NRAP: variants seen among roughly 807,000 people sequenced by gnomAD.
NRAP encodes nebulin related anchoring protein, also known as nebulin-related-anchoring protein.
Under a neutral mutation model 225.9 loss-of-function variants are expected in NRAP, and 189 were observed. The observed-to-expected ratio is 0.84, with a 90% CI of 0.74 to 0.94. The LOEUF (loss-of-function observed/expected upper bound fraction) is 0.94. Ranked by LOEUF, NRAP falls within the 40% of genes least tolerant of loss-of-function variation. The pLI is 0.00. For synonymous variants in NRAP, 769 were observed against 790.7 expected (o/e 0.97, Z 0.46); for missense variants, 2,176 against 2,168.7 (o/e 1.00, Z -0.07).
chr10:113,616,894 C>A (rs1372742483), intron 26 of NRAP, among the ~76,000 whole-genome samples: 1 of 152,038 alleles, frequency 6.6e-6, no homozygotes, highest in Non-Finnish European at 1.5e-5. Context: ...CTCCAGCCGA[C>A]CCTGCAACCC....
chr10:113,658,436 A>C (rs1308546115), intron 3 of NRAP, among the ~76,000 whole-genome samples: 1 of 152,226 alleles, frequency 6.6e-6, no homozygotes, highest in Non-Finnish European at 1.5e-5. Context: ...AATTGGGGGA[A>C]AACTGACCTC....
At chr10:113,623,501 C>A (rs757555834) in intron 23 of NRAP, 28 bp downstream of exon 23, 1 of 1,487,274 alleles carries the variant, frequency 6.7e-7, no homozygotes. Flanking sequence ...ATTCTGCGGT[C>A]TCTTGTACAA....
Position 113,652,991 on chromosome 10 carries a change from C to A in NRAP, c.514G>T (p.Ala172Ser). ...CTTTGATAAGCAGGTGTGATCATGG[C>A]TGGAAAGCTCCCCTTGCCCCTGGGT... ...EQPRGKGSFP[A>S]MITPAYQRAK... The change falls in exon 6 of 42, where the codon GCC (alanine) becomes TCC (serine). Residue 172 changes from alanine (A) to serine (S), a missense_variant. Ala to Ser is a moderately conservative substitution (Grantham distance 99). Around this residue, in one of 3 missense-constraint regions of NRAP, gnomAD observed 1,708 missense variants for 1,695.5 expected, o/e 1.01. Coordinates refer to ENST00000359988, the MANE Select transcript of NRAP (RefSeq NM_198060.4). 11 of 1,613,158 alleles carry A rather than the reference C, an allele frequency of 6.8e-6. No homozygotes were observed. The highest frequency in any genetic ancestry group is 8.5e-6 in the Non-Finnish European group (10 of 1,179,726).
chr10:113,592,875 C>T (rs1846073158), intron 38 of NRAP, among the ~76,000 whole-genome samples: 1 of 152,192 alleles, frequency 6.6e-6, no homozygotes, highest in Non-Finnish European at 1.5e-5. Flanking sequence ...AATTTATTGT[C>T]AAGCACCTGA....
chr10:113,589,297 T>A (rs1476171939), intron 41 of NRAP: 7 of 583,866 alleles, frequency 1.2e-5, no homozygotes, highest in Non-Finnish European at 2.1e-5. Context: ...TTCTTTCTTC[T>A]GAACAAAGTA....
intron 35 of NRAP, among the ~76,000 whole-genome samples, chr10:113,603,154 G>T (rs1044115937): frequency 2.0e-5 from 3 of 152,190 alleles, no homozygotes; most frequent in Non-Finnish European, 4.4e-5. Flanking sequence ...ACACTGCAAC[G>T]CAGTCCCATT....
intron 3 of NRAP, among the ~76,000 whole-genome samples, chr10:113,661,045 A>G (rs1850641662): frequency 1.3e-5 from 2 of 152,194 alleles, no homozygotes. Context: ...GCTAGATTCA[A>G]TATTTATTGT....
intron 4 of NRAP, among the ~76,000 whole-genome samples, chr10:113,657,082 G>T (rs1850352506): frequency 6.6e-6 from 1 of 152,182 alleles, no homozygotes; most frequent in Non-Finnish European, 1.5e-5. Flanking sequence ...AGGCTGGAGA[G>T]AGGCCAGCCT....
rs749486311 is a variant in NRAP at position 113,648,467 on chromosome 10, C to CTCTCTCTCTCTCTCTATATATA, written c.889-1441_889-1440insTATATATAGAGAGAGAGAGAGA. On this transcript the variant is annotated intron_variant, in intron 9 of 41. Transcript: ENST00000359988. ...TCTCTCTCTCTCTCTCTCTCTCTCTCTATATATATATATATATATATATGT... is the reference window on the plus strand; with the variant it reads ...TCTCTCTCTCTCTCTCTCTCTCTCTCTCTCTCTCTCTCTCTATATATATATATATATATATATATATATATGT... Among the ~76,000 whole-genome samples the CTCTCTCTCTCTCTCTATATATA allele has an allele frequency of 4.6e-5, 4 of 87,360 alleles. 1 individual carries two copies. The highest frequency in any genetic ancestry group is 1.8e-4 in the African/African-American group (4 of 22,302). 57.3% of individuals were successfully genotyped at this position (87,360 alleles called of 152,430 possible).
At chr10:113,614,103 A>G in intron 29 of NRAP, 80 bp downstream of exon 29, 1 of 892,282 alleles carries the variant, frequency 1.1e-6, no homozygotes. Context: ...GTCCAGAAGG[A>G]CAAATGAGGT....
intron 38 of NRAP, among the ~76,000 whole-genome samples, chr10:113,593,578 C>T (rs1846115307): frequency 6.6e-6 from 1 of 152,206 alleles, no homozygotes; most frequent in East Asian, 1.9e-4. Flanking sequence ...AATCACCTAA[C>T]TGATGAATCA....
At position 113,589,075 on chromosome 10, in the gene NRAP, C is replaced by A. The variant is rs1249810771; in HGVS notation, c.5093G>T (p.Gly1698Val). Residue 1698 changes from glycine to valine, a missense_variant, in exon 42 of 42, where the codon GGG becomes GTG. Around this residue, in one of 3 missense-constraint regions of NRAP, gnomAD observed 445 missense variants for 426.1 expected, o/e 1.04. Transcript: ENST00000359988. Reference protein sequence around the residue: ...RGLGLQGAYRGAEAVEAGDHQ... With the variant: ...RGLGLQGAYRVAEAVEAGDHQ... The stretch of plus-strand genomic sequence containing the variant: ...ATCTCCAGCCTCCACTGCTTCTGCC[C>A]CCCGCTGCTGAAATCAAACATACCC... 1.9e-6 allele frequency: 3 copies of A among 1,613,594 alleles called. No homozygotes were observed. The highest frequency in any genetic ancestry group is 8.5e-7 in the Non-Finnish European group (1 of 1,179,752).
chr10:113,663,593 C>G (rs1850832448), intron 1 of NRAP, 147 bp from the exon 2 acceptor site: 1 of 644,424 alleles, frequency 1.6e-6, no homozygotes, highest in Admixed American at 2.9e-5. Context: ...TATAACAACA[C>G]TCACGGTTAA....
chr10:113,617,814 G>T (rs1847758296), intron 25 of NRAP, among the ~76,000 whole-genome samples: 1 of 152,180 alleles, frequency 6.6e-6, no homozygotes, highest in Admixed American at 6.5e-5. Flanking sequence ...GTAAAATACT[G>T]TAGGATACAC....
chr10:113,631,850 A>G lies in NRAP; in HGVS notation c.1740+7T>C. ...ATGCATTCCTGAGTTAATGAGAGGA[A>G]ACGTACATTGCTAGCAAGCTCCCCA... On this transcript the variant is annotated splice_region_variant and intron_variant, in intron 17 of 41. Transcript: ENST00000359988. The G allele has an allele frequency of 6.4e-7, 1 of 1,569,332 alleles. No homozygotes were observed. The highest frequency in any genetic ancestry group is 8.8e-7 in the Non-Finnish European group (1 of 1,139,316).
rs759155879 is a variant in NRAP at position 113,604,908 on chromosome 10, G to C, written c.3928C>G (p.His1310Asp). The change falls in exon 35 of 42, where the codon CAT becomes GAT. Residue 1310 changes from histidine to aspartate, a missense_variant. By Grantham distance (81) the His-to-Asp change is moderately conservative. This residue lies in a region of NRAP where 1,708 missense variants were observed against 1,695.5 expected (regional missense o/e 1.01). Transcript: ENST00000359988. Reference protein sequence around the residue: ...GDIASDFLYRHDFVKERGKLI... With the variant: ...GDIASDFLYRDDFVKERGKLI... ...TTCCCTCGCTCCTTCACAAAGTCATGTCTGTAGAGAAACTGCAAGAAAGGG... is the reference window on the plus strand; with the variant it reads ...TTCCCTCGCTCCTTCACAAAGTCATCTCTGTAGAGAAACTGCAAGAAAGGG... 1 of 1,611,678 alleles carries C rather than the reference G, an allele frequency of 6.2e-7. No homozygotes were observed. The highest frequency in any genetic ancestry group is 8.5e-7 in the Non-Finnish European group (1 of 1,178,080).
Position 113,604,598 on chromosome 10 carries a change from G to T in NRAP, c.4227+11C>A, listed in dbSNP as rs1564704689. On this transcript the variant is annotated intron_variant, in intron 35 of 41. Coordinates refer to ENST00000359988, the MANE Select transcript of NRAP (RefSeq NM_198060.4). ...TGGGGGCTGGTTTGCATTCCACAAG[G>T]CCACCCCTACCTCACTCTGCAGGGC... The T allele has an allele frequency of 2.6e-5, 41 of 1,606,540 alleles. No individual in the cohort carries two copies. Among genetic ancestry groups the T allele is most frequent in the Non-Finnish European group, 3.5e-5 (41 of 1,174,154 alleles).
chr10:113,589,277 T>C (rs1845787854), intron 41 of NRAP, 198 bp from the exon 42 acceptor site: 4 of 590,532 alleles, frequency 6.8e-6, no homozygotes, highest in Non-Finnish European at 1.2e-5. Context: ...ATCTCTCATT[T>C]AGACCTGGCT....
At position 113,620,610 on chromosome 10, in the gene NRAP, A is replaced by G; in HGVS notation, c.2868T>C (p.Ile956=). 1 of 1,605,344 alleles carries G rather than the reference A, an allele frequency of 6.2e-7. No homozygotes were observed. Among genetic ancestry groups the G allele is most frequent in the Non-Finnish European group, 8.5e-7 (1 of 1,172,148 alleles). The change falls in exon 25 of 42, where the codon ATT becomes ATC. Residue 956 remains isoleucine, a synonymous_variant. Coordinates refer to ENST00000359988, the MANE Select transcript of NRAP (RefSeq NM_198060.4). ...VEQAKKAGEL[I]SEKKYRQHPD... ...GGCTGTCAGGAAATCTCACCTCGCT[A>G]ATGAGTTCTCCTGCCTTCTTCGCCT...
Sources: gnomAD v4.1 joint callset for allele counts (sites outside exome capture counted in the v4.1 genomes callset) on GRCh38, gnomAD v4.1.1 for gene constraint, gnomAD v4.1.1 regional missense constraint, MANE v1.5 for transcripts, NCBI Gene and HGNC (gene_info 2026-07-23, HGNC 2026-07-21) for gene names.